TNS3: variants seen among roughly 807,000 people sequenced by gnomAD.
TNS3 encodes tensin 3.
Under a neutral mutation model 140.9 loss-of-function variants are expected in TNS3, and 45 were observed. The observed-to-expected ratio is 0.32, with a 90% confidence interval of 0.25 to 0.41. The LOEUF is 0.41. TNS3 is among the 10% of genes least tolerant of loss of function. The pLI is 1.00. For synonymous variants in TNS3, 815 were observed against 788.4 expected (o/e 1.03, Z -0.56); for missense variants, 1,716 against 1,906.7 (o/e 0.90, Z 1.86).
chr7:47,519,230 T>TCTTTACCTTGTTGTC (rs1562824582), intron 2 of TNS3, among the ~76,000 whole-genome samples: 7 of 149,900 alleles, frequency 4.7e-5, no homozygotes, highest in African/African-American at 1.7e-4. Flanking sequence ...ACCTTGTTGT[T>TCTTTACCTTGTTGTC]AACCTGCCCC....
rs571663996 is a variant in TNS3 at position 47,511,074 on chromosome 7, G to A, written c.-152-4130C>T. ...TGGTGTTCCACACCGGGTAAAAGATGCACTTGGTGTGCAAGACAGGCCAGT... is the reference window on the plus strand; with the variant it reads ...TGGTGTTCCACACCGGGTAAAAGATACACTTGGTGTGCAAGACAGGCCAGT... On this transcript the variant is annotated intron_variant, in intron 2 of 30. Coordinates refer to ENST00000311160, the MANE Select transcript of TNS3 (RefSeq NM_022748.12). Among the ~76,000 whole-genome samples the A allele has an allele frequency of 1.2e-4, 19 of 152,330 alleles. No individual in the cohort carries two copies. The South Asian group carries it at 2.7e-3, about 22-fold the overall frequency.
chr7:47,407,078 A>T lies in TNS3; in HGVS notation c.723+4649T>A, dbSNP rs1793491995. ...CTAGGGATGCTTTGCCAATAATGAG[A>T]AACGTGCAACCGCATTTTTTTCTTC... On this transcript the variant is annotated intron_variant, in intron 13 of 30. Transcript: ENST00000311160. This position sits in a 1 kb window ranked among gnomAD's most constrained non-coding sequence, Gnocchi z 4.1. 6.6e-6 allele frequency among the ~76,000 whole-genome samples: 1 copy of T among 152,138 alleles called. No homozygotes were observed. The highest frequency in any genetic ancestry group is 2.1e-4 in the South Asian group (1 of 4,830).
At chr7:47,495,858 C>T (rs1368765148) in intron 3 of TNS3, among the ~76,000 whole-genome samples, 1 of 152,238 alleles carries the variant, frequency 6.6e-6, no homozygotes, top group African/African-American at 2.4e-5. Context: ...AACTGCAGCA[C>T]ACCTTCCTCC....
At chr7:47,311,426 G>C (rs982046900) in intron 20 of TNS3, among the ~76,000 whole-genome samples, 56 of 144,228 alleles carry the variant, frequency 3.9e-4, no homozygotes, top group Middle Eastern at 6.9e-3. Flanking sequence ...GTGTGTGTGT[G>C]TGTGTGTGTG....
At chr7:47,380,118 G>A (rs548082636) in intron 16 of TNS3, among the ~76,000 whole-genome samples, 14 of 152,356 alleles carry the variant, frequency 9.2e-5, no homozygotes, top group Admixed American at 4.6e-4. Flanking sequence ...GGAATGTGGC[G>A]ATAAAGGAGC....
intron 2 of TNS3, among the ~76,000 whole-genome samples, chr7:47,516,412 T>A (rs532871394): frequency 6.6e-6 from 1 of 151,954 alleles, no homozygotes; most frequent in Admixed American, 6.6e-5. Flanking sequence ...ACATCCTGCC[T>A]CTGTCCCATC....
At chr7:47,356,037 G>A (rs1584470266) in intron 17 of TNS3, among the ~76,000 whole-genome samples, 1 of 152,286 alleles carries the variant, frequency 6.6e-6, no homozygotes, top group East Asian at 1.9e-4. Flanking sequence ...CCATGGGGTC[G>A]CCTGCCTCTG....
chr7:47,441,811 C>T (rs999364128), intron 5 of TNS3, among the ~76,000 whole-genome samples, 192 bp downstream of exon 5: 1 of 152,242 alleles, frequency 6.6e-6, no homozygotes, highest in Non-Finnish European at 1.5e-5. Flanking sequence ...ACCACCTGGG[C>T]TTCTGACCCT....
At chr7:47,497,753 G>A (rs989051500) in intron 3 of TNS3, among the ~76,000 whole-genome samples, 5 of 151,328 alleles carry the variant, frequency 3.3e-5, no homozygotes, top group Middle Eastern at 3.4e-3. Flanking sequence ...ACACTGGAGC[G>A]ACGTGTGCCC....
At chr7:47,509,599 T>A (rs1225386170) in intron 2 of TNS3, among the ~76,000 whole-genome samples, 1 of 152,128 alleles carries the variant, frequency 6.6e-6, no homozygotes. Flanking sequence ...AGTGTTTGCA[T>A]CCAGCCATAC....
chr7:47,389,160 AAGAAGC>A (rs533868755), intron 16 of TNS3, among the ~76,000 whole-genome samples: 57,903 of 71,416 alleles, frequency 0.81, 26,504 homozygotes, highest in Non-Finnish European at 0.91. Context: ...GAAGAAGCAG[AAGAAGC>A]AGCAGAAGCA....
At position 47,530,838 on chromosome 7, in the gene TNS3, A is replaced by AATATATATATATATATATAT. The variant is rs1554350245; in HGVS notation, c.-264-1711_-264-1692dup. ...AACTCCATCTCAAAAAAAAAAAAAAAATATATATATATATATATATTTCTA... is the reference window on the plus strand; with the variant it reads ...AACTCCATCTCAAAAAAAAAAAAAAAATATATATATATATATATATATATATATATATATATATATTTCTA... On this transcript the variant is annotated intron_variant, in intron 1 of 30. Coordinates refer to ENST00000311160, the MANE Select transcript of TNS3 (RefSeq NM_022748.12). Among the ~76,000 whole-genome samples the AATATATATATATATATATAT allele has an allele frequency of 2.8e-3, 152 of 54,434 alleles. 3 individuals are homozygous for AATATATATATATATATATAT. Among genetic ancestry groups the AATATATATATATATATATAT allele is most frequent in the South Asian group, 0.012 (14 of 1,122 alleles). 35.7% of individuals were successfully genotyped at this position (54,434 alleles called of 152,430 possible). A position where few individuals can be genotyped will look rare whatever the true frequency, so the allele number is the denominator to read the frequency against.
intron 10 of TNS3, among the ~76,000 whole-genome samples, chr7:47,418,184 C>A (rs968248595): frequency 2.4e-4 from 36 of 152,146 alleles, no homozygotes; most frequent in Admixed American, 1.4e-3. Context: ...CGCCTGTAAT[C>A]CCAGCTACAC....
chr7:47,416,293 G>A (rs906629448), intron 10 of TNS3, among the ~76,000 whole-genome samples: 2 of 152,164 alleles, frequency 1.3e-5, no homozygotes, highest in Non-Finnish European at 1.5e-5. Flanking sequence ...AGCCAGAAAC[G>A]GCCATCATGG....
Position 47,304,947 on chromosome 7 carries a change from T to C in TNS3, c.2707A>G (p.Ile903Val), listed in dbSNP as rs374445331. 7.7e-6 allele frequency: 11 copies of C among 1,423,348 alleles called. No homozygotes were observed. The African/African-American group carries it at 1.2e-4, about 15-fold the overall frequency. The allele number at this position is 1,423,348 out of a possible 1,614,324, so 88.2% of individuals were successfully genotyped here. A position where few individuals can be genotyped will look rare whatever the true frequency, so the allele number is the denominator to read the frequency against. The change falls in exon 21 of 31, where the codon ATC (isoleucine) becomes GTC (valine). Residue 903 changes from isoleucine (I) to valine (V), a missense_variant. By Grantham distance (29) the Ile-to-Val change is conservative. Around this residue, in one of 3 missense-constraint regions of TNS3, gnomAD observed 1,163 missense variants for 1,182.1 expected, o/e 0.98. Coordinates refer to ENST00000311160, the MANE Select transcript of TNS3 (RefSeq NM_022748.12). ...CGGAGCATCGTGGATTTGGGTCCGA[T>C]GGGGCTCTCTGACATCCCCACAGCG... ...THAVGMSESP[I>V]GPKSTMLRAD...
intron 27 of TNS3, among the ~76,000 whole-genome samples, chr7:47,289,037 T>A (rs1785564621): frequency 6.6e-6 from 1 of 152,138 alleles, no homozygotes; most frequent in Non-Finnish European, 1.5e-5. Context: ...ACTTATCCTA[T>A]AAGGAGAGTC....
chr7:47,571,610 G>T (rs760658352), intron 1 of TNS3, among the ~76,000 whole-genome samples: 1 of 152,242 alleles, frequency 6.6e-6, no homozygotes, highest in Non-Finnish European at 1.5e-5. Flanking sequence ...AGACAATAGC[G>T]ATCACAGTCG....
intron 27 of TNS3, among the ~76,000 whole-genome samples, chr7:47,288,037 A>C (rs1785508128): frequency 6.6e-6 from 1 of 152,246 alleles, no homozygotes; most frequent in South Asian, 2.1e-4. Flanking sequence ...TGATCAACTA[A>C]ATTCATTCAA....
chr7:47,541,486 G>A (rs1244633141), intron 1 of TNS3, among the ~76,000 whole-genome samples: 1 of 152,096 alleles, frequency 6.6e-6, no homozygotes, highest in Admixed American at 6.5e-5. Context: ...AAGTAAGACA[G>A]TGCTCACAGA....
Sources: gnomAD v4.1 joint callset for allele counts (sites outside exome capture counted in the v4.1 genomes callset) on GRCh38, gnomAD v4.1.1 for gene constraint, gnomAD v4.1.1 regional missense constraint, Gnocchi (gnomAD v3.1) non-coding constraint, MANE v1.5 for transcripts, NCBI Gene and HGNC (gene_info 2026-07-23, HGNC 2026-07-21) for gene names.